SPTA1: variants seen among roughly 807,000 people sequenced by gnomAD.
The protein encoded by SPTA1 is spectrin alpha chain, erythrocytic 1.
A neutral mutation model predicts 324.7 loss-of-function variants in SPTA1; 177 were observed. The observed-to-expected ratio is 0.55, with a 90% CI of 0.48 to 0.62. The LOEUF is 0.62. Among genes scored for constraint, SPTA1 ranks in the 20% least tolerant of loss-of-function variants. The pLI is 0.00. For synonymous variants in SPTA1, 1,195 were observed against 1,041.3 expected (o/e 1.15, Z -2.84); for missense variants, 3,162 against 2,883.6 (o/e 1.10, Z -2.21).
chr1:158,653,203 A>G (rs1344129290), intron 22 of SPTA1, 71 bp downstream of exon 22: 8 of 1,605,274 alleles, frequency 5.0e-6, no homozygotes, highest in Non-Finnish European at 4.3e-6. Context: ...ATGCAGGGTC[A>G]TGAGAAGAAA....
At chr1:158,656,275 G>T (rs932247770) in intron 20 of SPTA1, among the ~76,000 whole-genome samples, 23 of 152,060 alleles carry the variant, frequency 1.5e-4, no homozygotes, top group African/African-American at 5.3e-4. Flanking sequence ...AGACATAAAT[G>T]AAGAAAAGTA....
At position 158,672,116 on chromosome 1, in the gene SPTA1, G is replaced by A. The variant is rs1387513222; in HGVS notation, c.1431C>T (p.Asp477=). The change falls in exon 11 of 52, where the codon GAC becomes GAT. Residue 477 remains aspartate, a synonymous_variant. Coordinates refer to ENST00000643759, the MANE Select transcript of SPTA1 (RefSeq NM_003126.4). ...CACTGTCTCTGTAGAAGAGATGAAAGTCCAAGCACTGCTCATACTGACGAT... is the reference window on the plus strand; with the variant it reads ...CACTGTCTCTGTAGAAGAGATGAAAATCCAAGCACTGCTCATACTGACGAT... ...ERHRQYEQCL[D]FHLFYRDSEQ... 3.1e-6 allele frequency: 5 copies of A among 1,614,136 alleles called. No homozygotes were observed. The highest frequency in any genetic ancestry group is 3.3e-5 in the Admixed American group (2 of 60,012).
chr1:158,662,679 C>T, intron 17 of SPTA1, 23 bp downstream of exon 17: 2 of 1,613,322 alleles, frequency 1.2e-6, no homozygotes, highest in African/African-American at 1.3e-5. Context: ...CCTAGTGGCT[C>T]AGCCTGCTCA....
At chr1:158,648,454 T>C (rs2101848162) in intron 26 of SPTA1, 55 bp downstream of exon 26, 1 of 1,611,360 alleles carries the variant, frequency 6.2e-7, no homozygotes, top group Admixed American at 1.7e-5. Flanking sequence ...GGCATTGGTA[T>C]ACGGCTAAAT....
chr1:158,623,433 T>G (rs1650051682), intron 42 of SPTA1, among the ~76,000 whole-genome samples: 1 of 152,220 alleles, frequency 6.6e-6, no homozygotes, highest in Non-Finnish European at 1.5e-5. Flanking sequence ...TTGGTTTGAC[T>G]GTGTCCCCAC....
chr1:158,628,831 C>T (rs575243604), intron 39 of SPTA1, among the ~76,000 whole-genome samples: 1 of 152,040 alleles, frequency 6.6e-6, no homozygotes, highest in South Asian at 2.1e-4. Flanking sequence ...ACTAGAATAT[C>T]TAGAGAAAAT....
chr1:158,613,637 T>C (rs775325456), intron 50 of SPTA1, 84 bp downstream of exon 50: 1 of 1,590,732 alleles, frequency 6.3e-7, no homozygotes, highest in African/African-American at 1.3e-5. Context: ...GTTAATTTCA[T>C]GTTTTATGGA....
rs368718409 is a variant in SPTA1 at position 158,620,577 on chromosome 1, A to G, written c.6121-111T>C. 2.6e-4 allele frequency: 361 copies of G among 1,372,788 alleles called. 1 individual carries two copies. The African/African-American group carries it at 4.7e-3, about 18-fold the overall frequency. The allele number at this position is 1,372,788 out of a possible 1,614,324, so 85.0% of individuals were successfully genotyped here. On this transcript the variant is annotated intron_variant, in intron 43 of 51. Coordinates refer to ENST00000643759, the MANE Select transcript of SPTA1 (RefSeq NM_003126.4). ...TCTTTAAATATCTGCAGGGCCACCA[A>G]TCTAAAAGGGCAGAACTAAAACCAA...
At chr1:158,635,839 C>T in intron 38 of SPTA1, 74 bp downstream of exon 38, 1 of 1,609,082 alleles carries the variant, frequency 6.2e-7, no homozygotes, top group Non-Finnish European at 8.5e-7. Context: ...TGAGCAGGCA[C>T]TTAAGTATCC....
In SPTA1 at chr1:158,664,521, C is replaced by T. The variant is rs139369500; in HGVS notation, c.2221-1576G>A. 1.4e-4 allele frequency among the ~76,000 whole-genome samples: 21 copies of T among 152,112 alleles called. No individual in the cohort carries two copies. The East Asian group carries it at 3.9e-3, about 28-fold the overall frequency. On this transcript the variant is annotated intron_variant, in intron 16 of 51. Transcript: ENST00000643759. Reference sequence around the variant, plus strand: ...GGGAGGGGAACATCACACACCGGGGCCTGTCGAGGACTTAAATACCTAATG... The same window carrying T: ...GGGAGGGGAACATCACACACCGGGGTCTGTCGAGGACTTAAATACCTAATG...
chr1:158,647,798 G>T (rs1051817299), intron 26 of SPTA1, 78 bp from the exon 27 acceptor site: 21 of 1,485,800 alleles, frequency 1.4e-5, no homozygotes, highest in Non-Finnish European at 2.0e-5. Context: ...CTGAGTCCCA[G>T]TATTCAGCTC....
At chr1:158,638,428 T>C (rs539309382) in intron 35 of SPTA1, among the ~76,000 whole-genome samples, 187 bp from the exon 36 acceptor site, 10 of 152,286 alleles carry the variant, frequency 6.6e-5, no homozygotes, top group African/African-American at 1.9e-4. Context: ...GTGGGAGCGA[T>C]AGAGGTAGCA....
At chr1:158,623,225 G>A (rs1173422612) in intron 42 of SPTA1, 33 bp from the exon 43 acceptor site, 2 of 1,588,052 alleles carry the variant, frequency 1.3e-6, no homozygotes, top group East Asian at 4.5e-5. Context: ...CCGTGAACAA[G>A]AAAATGGTGC....
intron 7 of SPTA1, among the ~76,000 whole-genome samples, 196 bp from the exon 8 acceptor site, chr1:158,676,491 G>T (rs1654403072): frequency 6.6e-6 from 1 of 152,048 alleles, no homozygotes; most frequent in East Asian, 1.9e-4. Flanking sequence ...CTCTCATTAT[G>T]CTAAGTACTT....
chr1:158,670,626 G>C (rs1357442723), intron 12 of SPTA1, among the ~76,000 whole-genome samples: 2 of 152,182 alleles, frequency 1.3e-5, no homozygotes, highest in Non-Finnish European at 2.9e-5. Flanking sequence ...GGAACAGCCA[G>C]AGACATACAA....
intron 3 of SPTA1, 41 bp from the exon 4 acceptor site, chr1:158,681,708 G>A (rs1388351085): frequency 5.0e-6 from 8 of 1,612,860 alleles, no homozygotes; most frequent in Non-Finnish European, 6.8e-6. Context: ...CACAGACACT[G>A]GGAGCAGGGA....
intron 1 of SPTA1, among the ~76,000 whole-genome samples, chr1:158,686,053 T>G (rs974964980): frequency 4.6e-5 from 7 of 152,214 alleles, no homozygotes; most frequent in African/African-American, 1.7e-4. Flanking sequence ...AAAATCACCA[T>G]AGGGTTCACC....
chr1:158,673,078 G>A (rs1232633412), intron 10 of SPTA1, among the ~76,000 whole-genome samples: 3 of 152,188 alleles, frequency 2.0e-5, no homozygotes, highest in Middle Eastern at 3.4e-3. Flanking sequence ...ACTGAGGTTG[G>A]CCACTGCACT....
rs1262193118 is a variant in SPTA1, at chr1:158,676,279, G to T, written c.974C>A (p.Ala325Asp). 1 of 1,613,564 alleles carries T rather than the reference G, an allele frequency of 6.2e-7. No individual in the cohort carries two copies. The highest frequency in any genetic ancestry group is 1.7e-5 in the Admixed American group (1 of 59,998). ...GGAAAGTGTCAGCTTCTCTGCTTTAGCACATAACTCCTTCACCTTTGGGAT... is the reference window on the plus strand; with the variant it reads ...GGAAAGTGTCAGCTTCTCTGCTTTATCACATAACTCCTTCACCTTTGGGAT... The part of the protein sequence containing the change: ...VMSDKVKELC[A>D]KAEKLTLSHP... Residue 325 changes from alanine to aspartate, a missense_variant, in exon 8 of 52, where the codon GCT becomes GAT. Ala to Asp is a moderately radical substitution (Grantham distance 126). Transcript: ENST00000643759.
Sources: allele counts gnomAD v4.1 joint callset (sites outside exome capture counted in the v4.1 genomes callset), GRCh38; gene constraint gnomAD v4.1.1; transcripts MANE v1.5; gene names NCBI Gene and HGNC (gene_info 2026-07-23, HGNC 2026-07-21).